The following ARHGEF7 variants were observed in gnomAD, a reference collection of about 807,000 sequenced individuals.
ARHGEF7 encodes PAK-interacting exchange factor beta.
Under a neutral mutation model 109.8 loss-of-function variants are expected in ARHGEF7, and 33 were observed. The ratio of observed to expected loss-of-function variants is 0.30; its 90% CI spans 0.23 to 0.40. ARHGEF7 has a LOEUF of 0.40. ARHGEF7 is among the 10% of genes least tolerant of loss of function. The pLI is 1.00. For synonymous variants in ARHGEF7, 458 were observed against 424.6 expected, an observed-to-expected ratio of 1.08 and a Z score of -0.97; for missense variants, 938 against 1,098.5, an observed-to-expected ratio of 0.85 and a Z score of 2.07.
intron 8 of ARHGEF7, among the ~76,000 whole-genome samples, chr13:111,256,869 A>G (rs2090485971): frequency 6.6e-6 from 1 of 152,218 alleles, no homozygotes; most frequent in Non-Finnish European, 1.5e-5. Context: ...CTTCTCCACC[A>G]GCACTGGTCC....
At chr13:111,221,412 GATGTCTAT>G (rs1479127920) in intron 5 of ARHGEF7, among the ~76,000 whole-genome samples, 3,417 of 15,984 alleles carry the variant, frequency 0.21, 1,583 homozygotes, top group East Asian at 0.52. Flanking sequence ...TATATATATA[GATGTCTAT>G]ATATCTATAT....
At chr13:111,156,333 C>A (rs1310787939) in intron 2 of ARHGEF7, among the ~76,000 whole-genome samples, 1 of 152,108 alleles carries the variant, frequency 6.6e-6, no homozygotes, top group Non-Finnish European at 1.5e-5. Context: ...AAGTGAGTTT[C>A]ATTTTAAAGT....
At position 111,251,296 on chromosome 13, in the gene ARHGEF7, G is replaced by GGC. The variant is rs2089732106; in HGVS notation, c.950+7003_950+7004dup. 2.0e-5 allele frequency among the ~76,000 whole-genome samples: 3 copies of GGC among 152,192 alleles called. No individual in the cohort carries two copies. In the South Asian group the frequency reaches 6.2e-4, roughly 32 times the overall value. On this transcript the variant is annotated intron_variant, in intron 8 of 21. Transcript: ENST00000646102. Reference sequence around the variant, plus strand: ...ACAGGAGAGAGAGCACCCTGAGGTGGGCATTGGCTGTGGCTGGAGCCTGTG... The same window carrying GGC: ...ACAGGAGAGAGAGCACCCTGAGGTGGGCGCATTGGCTGTGGCTGGAGCCTGTG...
chr13:111,150,830 T>C (rs1010462745), intron 1 of ARHGEF7, among the ~76,000 whole-genome samples: 6 of 152,116 alleles, frequency 3.9e-5, no homozygotes, highest in African/African-American at 1.4e-4. Context: ...TTTGTTGGGG[T>C]GAGCATTTTC....
intron 8 of ARHGEF7, among the ~76,000 whole-genome samples, chr13:111,259,187 A>T (rs1200427865): frequency 5.3e-5 from 8 of 152,236 alleles, no homozygotes; most frequent in Non-Finnish European, 1.2e-4. Context: ...ACACGTGCCC[A>T]TCTGGCTTTG....
chr13:111,114,657 G>GGCCCC (rs1225668311), upstream of ARHGEF7: 9 of 150,262 alleles, frequency 6.0e-5, no homozygotes, highest in African/African-American at 2.2e-4. Context: ...GGCCCGGCCC[G>GGCCCC]GCCCTCTGCA....
At chr13:111,227,505 T>C (rs770943428) in intron 5 of ARHGEF7, among the ~76,000 whole-genome samples, 1 of 152,250 alleles carries the variant, frequency 6.6e-6, no homozygotes, top group Admixed American at 6.5e-5. Context: ...TAGAAACTTT[T>C]TTTTTAACTA....
rs566058568 is a variant in ARHGEF7, at chr13:111,117,867, T to C, written c.165+2176T>C. ...GTGAGCCACCACGCCCAGCCAGTTA[T>C]CTGGGTTTTTGGTGTTTTCATGCTT... On this transcript the variant is annotated intron_variant, in intron 1 of 21. Coordinates refer to ENST00000646102, the MANE Select transcript of ARHGEF7 (RefSeq NM_001354046.2). Among the ~76,000 whole-genome samples the C allele has an allele frequency of 3.9e-5, 6 of 152,342 alleles. No homozygotes were observed. In the East Asian group the frequency reaches 1.2e-3, roughly 29 times the overall value.
chr13:111,192,092 C>T (rs1489835177), intron 2 of ARHGEF7, among the ~76,000 whole-genome samples: 3 of 152,108 alleles, frequency 2.0e-5, no homozygotes, highest in Non-Finnish European at 2.9e-5. Flanking sequence ...GGGATATTTC[C>T]TTCCAAAACA....
intron 1 of ARHGEF7, among the ~76,000 whole-genome samples, chr13:111,152,961 T>A (rs551144579): frequency 6.6e-6 from 1 of 152,352 alleles, no homozygotes; most frequent in East Asian, 1.9e-4. Flanking sequence ...CTAGGGAGTC[T>A]GTAGGCGCCT....
chr13:111,221,178 G>GAT (rs1220981723), intron 5 of ARHGEF7, among the ~76,000 whole-genome samples: 14 of 95,816 alleles, frequency 1.5e-4, no homozygotes, highest in African/African-American at 6.6e-4. Context: ...TATCTATATA[G>GAT]ATATATATGT....
rs752820800 is a variant in ARHGEF7 at position 111,145,247 on chromosome 13, T to G, written c.166-8658T>G. On this transcript the variant is annotated intron_variant, in intron 1 of 21. Coordinates refer to ENST00000646102, the MANE Select transcript of ARHGEF7 (RefSeq NM_001354046.2). The surrounding 1 kb of genome is among the most constrained non-coding windows in gnomAD (Gnocchi z 4.3). Reference sequence around the variant, plus strand: ...TGTTTCCAATCGTTTGCCATTACATTGTGTTCTAATTTTAGATGCCGCCAG... The same window carrying G: ...TGTTTCCAATCGTTTGCCATTACATGGTGTTCTAATTTTAGATGCCGCCAG... 6.6e-6 allele frequency among the ~76,000 whole-genome samples: 1 copy of G among 152,154 alleles called. No homozygotes were observed. Among genetic ancestry groups the G allele is most frequent in the Non-Finnish European group, 1.5e-5 (1 of 68,032 alleles).
At chr13:111,136,477 C>T (rs1258956328) in intron 1 of ARHGEF7, among the ~76,000 whole-genome samples, 1 of 152,192 alleles carries the variant, frequency 6.6e-6, no homozygotes. Flanking sequence ...AACTGAACAA[C>T]CTGCTCCTGA....
At chr13:111,208,373 G>T (rs2082127637) in intron 3 of ARHGEF7, among the ~76,000 whole-genome samples, 1 of 152,146 alleles carries the variant, frequency 6.6e-6, no homozygotes, top group South Asian at 2.1e-4. Context: ...TTCCTTGATT[G>T]GCAAACAGTA....
intron 5 of ARHGEF7, among the ~76,000 whole-genome samples, chr13:111,225,921 A>G (rs1445441669): frequency 1.3e-5 from 2 of 152,246 alleles, no homozygotes; most frequent in Non-Finnish European, 2.9e-5. Context: ...CACTTTAAAT[A>G]AAAAGCTAGA....
At chr13:111,206,962 AAAAAAAAAAAAAAGAAAAAG>A (rs2081953501) in intron 3 of ARHGEF7, among the ~76,000 whole-genome samples, 1 of 131,908 alleles carries the variant, frequency 7.6e-6, no homozygotes, top group Non-Finnish European at 1.7e-5. Context: ...ACTCCATCTA[AAAAAAAAAAAAAAGAAAAAG>A]AAAAAAAAAG....
At chr13:111,154,859 TCTTAAC>T (rs1384590846) in intron 2 of ARHGEF7, among the ~76,000 whole-genome samples, 1 of 152,168 alleles carries the variant, frequency 6.6e-6, no homozygotes, top group Non-Finnish European at 1.5e-5. Context: ...ACTTTGTCAC[TCTTAAC>T]CTTAGTTTTC....
At chr13:111,269,231 T>C (rs1276201689) in intron 9 of ARHGEF7, among the ~76,000 whole-genome samples, 2 of 152,240 alleles carry the variant, frequency 1.3e-5, no homozygotes, top group African/African-American at 4.8e-5. Flanking sequence ...CCCCTGGGAA[T>C]TTATACATTG....
At chr13:111,285,436 G>C (rs2153614642) in intron 16 of ARHGEF7, among the ~76,000 whole-genome samples, 1 of 152,288 alleles carries the variant, frequency 6.6e-6, no homozygotes, top group South Asian at 2.1e-4. Context: ...GTGCTTGACA[G>C]TTGACACCTT....
Sources: gnomAD v4.1 joint callset for allele counts (sites outside exome capture counted in the v4.1 genomes callset) on GRCh38, gnomAD v4.1.1 for gene constraint, Gnocchi (gnomAD v3.1) non-coding constraint, MANE v1.5 for transcripts, NCBI Gene and HGNC (gene_info 2026-07-23, HGNC 2026-07-21) for gene names.